MEGF10: variants seen among roughly 807,000 people sequenced by gnomAD.
The protein encoded by MEGF10 is multiple epidermal growth factor-like domains protein 10.
A neutral mutation model predicts 147.5 loss-of-function variants in MEGF10; 86 were observed. The observed-to-expected ratio is 0.58, with a 90% confidence interval of 0.49 to 0.70. The LOEUF is 0.70. Ranked by LOEUF, MEGF10 falls within the 30% of genes least tolerant of loss-of-function variation. The pLI is 0.00. For synonymous variants in MEGF10, 478 were observed against 525.5 expected (o/e 0.91, Z 1.24); for missense variants, 1,329 against 1,487.3 (o/e 0.89, Z 1.75).
Position 127,351,147 on chromosome 5 carries a change from T to C in MEGF10, c.319+10517T>C, listed in dbSNP as rs1362307945. Among the ~76,000 whole-genome samples, 5 of 152,080 alleles carry C rather than the reference T, an allele frequency of 3.3e-5. No individual in the cohort carries two copies. The East Asian group carries it at 9.6e-4, about 29-fold the overall frequency. On this transcript the variant is annotated intron_variant, in intron 4 of 24. Coordinates refer to ENST00000503335, the MANE Select transcript of MEGF10 (RefSeq NM_001256545.2). Reference sequence around the variant, plus strand: ...TTTAAAAAATAACTAAAAGAGTAAATTGGATTTTTTGTTGTATATATTTTT... The same window carrying C: ...TTTAAAAAATAACTAAAAGAGTAAACTGGATTTTTTGTTGTATATATTTTT...
At chr5:127,272,734 G>T in the MEGF10 span, among the ~76,000 whole-genome samples, 1 of 152,176 alleles carries the variant, frequency 6.6e-6, no homozygotes, top group Admixed American at 6.5e-5. Context: ...CAGCTTGCCT[G>T]TTGTTGGTGT....
chr5:127,402,768 T>C, intron 8 of MEGF10, 86 bp downstream of exon 8: 1 of 1,414,976 alleles, frequency 7.1e-7, no homozygotes, highest in Non-Finnish European at 9.7e-7. Flanking sequence ...TTCAATACCA[T>C]GTGTCCATGA....
At chr5:127,319,327 C>T (rs971083566) in intron 1 of MEGF10, among the ~76,000 whole-genome samples, 5 of 152,278 alleles carry the variant, frequency 3.3e-5, no homozygotes, top group Admixed American at 6.5e-5. Context: ...CCACCTACCT[C>T]GGCCTCCCAA....
At chr5:127,454,429 C>A in intron 22 of MEGF10, 137 bp from the exon 23 acceptor site, 1 of 620,960 alleles carries the variant, frequency 1.6e-6, no homozygotes, top group Non-Finnish European at 2.8e-6. Flanking sequence ...GACAACTGAT[C>A]TGGTGTAAAG....
At chr5:127,380,003 T>C (rs1263584414) in intron 5 of MEGF10, among the ~76,000 whole-genome samples, 2 of 152,046 alleles carry the variant, frequency 1.3e-5, no homozygotes, top group Non-Finnish European at 2.9e-5. Context: ...TATTACTCTG[T>C]ATCATATCTC....
the MEGF10 span, among the ~76,000 whole-genome samples, chr5:127,265,322 A>T: frequency 1.6e-4 from 24 of 152,180 alleles, no homozygotes; most frequent in African/African-American, 5.5e-4. Context: ...TCTATCATTG[A>T]TGGACATTTT....
chr5:127,323,654 C>T (rs1308626630), intron 1 of MEGF10, among the ~76,000 whole-genome samples: 6 of 152,208 alleles, frequency 3.9e-5, no homozygotes, highest in Non-Finnish European at 7.3e-5. Flanking sequence ...ATTGCTGCTT[C>T]ACATGAACTC....
rs1161044159 is a variant in MEGF10, at chr5:127,460,573, T to A, written c.*3255T>A. ...AGAAATGCAAACAACTTTATGAAAG[T>A]GTGGTCATCTTGACCCCCAAAGAGC... On this transcript the variant is annotated 3_prime_UTR_variant, in exon 25 of 25. Coordinates refer to ENST00000503335, the MANE Select transcript of MEGF10 (RefSeq NM_001256545.2). 1.3e-5 allele frequency: 2 copies of A among 152,184 alleles called. No homozygotes were observed. The highest frequency in any genetic ancestry group is 4.8e-5 in the African/African-American group (2 of 41,444). The allele number at this position is 152,184 out of a possible 1,614,324, so 9.4% of individuals were successfully genotyped here.
rs1766430340 is a variant in MEGF10, at chr5:127,458,063, A to C, written c.*745A>C. Reference sequence around the variant, plus strand: ...TTGACTCTCAACCAACTTCAGATCTATGACATTATTCTGATCACTGGCTCC... The same window carrying C: ...TTGACTCTCAACCAACTTCAGATCTCTGACATTATTCTGATCACTGGCTCC... On this transcript the variant is annotated 3_prime_UTR_variant, in exon 25 of 25. Coordinates refer to ENST00000503335, the MANE Select transcript of MEGF10 (RefSeq NM_001256545.2). 1 of 152,248 alleles carries C rather than the reference A, an allele frequency of 6.6e-6. No individual in the cohort carries two copies. The highest frequency in any genetic ancestry group is 1.9e-4 in the East Asian group (1 of 5,202). 9.4% of individuals were successfully genotyped at this position (152,248 alleles called of 1,614,324 possible).
At chr5:127,366,205 T>C (rs1762646414) in intron 4 of MEGF10, among the ~76,000 whole-genome samples, 1 of 152,182 alleles carries the variant, frequency 6.6e-6, no homozygotes, top group Admixed American at 6.5e-5. Flanking sequence ...TCAGTGTTTC[T>C]GCACCTTGGT....
chr5:127,325,909 A>ATATATATATTT, intron 1 of MEGF10, among the ~76,000 whole-genome samples: 1 of 105,050 alleles, frequency 9.5e-6, no homozygotes, highest in East Asian at 3.0e-4. Context: ...ATATATATAT[A>ATATATATATTT]TTTTTTTTTT....
the MEGF10 span, among the ~76,000 whole-genome samples, chr5:127,245,943 A>G: frequency 9.8e-5 from 15 of 152,356 alleles, no homozygotes; most frequent in African/African-American, 3.4e-4. Flanking sequence ...ATCATTAAAA[A>G]GTTAGGAAAC....
the MEGF10 span, among the ~76,000 whole-genome samples, chr5:127,246,584 C>A: frequency 6.6e-6 from 1 of 150,762 alleles, no homozygotes; most frequent in Non-Finnish European, 1.5e-5. Context: ...GCACGTGTAT[C>A]CCAGAACTTA....
the MEGF10 span, among the ~76,000 whole-genome samples, chr5:127,262,613 G>C: frequency 6.6e-6 from 1 of 152,144 alleles, no homozygotes; most frequent in Non-Finnish European, 1.5e-5. Context: ...AACCTATCAA[G>C]GATCAATTTA....
rs549796072 is a variant in MEGF10 at position 127,391,073 on chromosome 5, CAT to C, written c.413-5457_413-5456del. Among the ~76,000 whole-genome samples the C allele has an allele frequency of 3.6e-3, 520 of 145,374 alleles. 4 individuals are homozygous for C. Among genetic ancestry groups the C allele is most frequent in the Non-Finnish European group, 5.6e-3 (375 of 66,858 alleles). Reference sequence around the variant, plus strand: ...GTTATTGTCTTTATGTGTATATATACATACATACACACATGCGCGCGCGCGCG... The same window carrying C: ...GTTATTGTCTTTATGTGTATATATACACATACACACATGCGCGCGCGCGCG... On this transcript the variant is annotated intron_variant, in intron 5 of 24. Coordinates refer to ENST00000503335, the MANE Select transcript of MEGF10 (RefSeq NM_001256545.2).
rs184584872 is a variant in MEGF10 at position 127,388,982 on chromosome 5, T to A, written c.413-7550T>A. Among the ~76,000 whole-genome samples the A allele has an allele frequency of 6.6e-5, 10 of 152,342 alleles. 1 individual carries two copies. The highest frequency in any genetic ancestry group is 5.2e-4 in the Admixed American group (8 of 15,306). ...ATCATTAATCATTTGTTGCTCTGCC[T>A]TAGAAAGAGTGCTGGTTTCATATTA... On this transcript the variant is annotated intron_variant, in intron 5 of 24. Coordinates refer to ENST00000503335, the MANE Select transcript of MEGF10 (RefSeq NM_001256545.2).
In MEGF10 at chr5:127,290,895, CCA is replaced by C. The variant is rs1327400206; in HGVS notation, c.-178_-177del. 2 of 152,276 alleles carry C rather than the reference CCA, an allele frequency of 1.3e-5. No homozygotes were observed. The highest frequency in any genetic ancestry group is 2.9e-5 in the Non-Finnish European group (2 of 68,084). The allele number at this position is 152,276 out of a possible 1,614,324, so 9.4% of individuals were successfully genotyped here. On this transcript the variant is annotated 5_prime_UTR_variant, in exon 1 of 25. Coordinates refer to ENST00000503335, the MANE Select transcript of MEGF10 (RefSeq NM_001256545.2). Reference sequence around the variant, plus strand: ...TGAGACGTTCCTCTTTCCCGCTTCTCCACCTTTACGCCTGAAAGAAGACTCCC... The same window carrying C: ...TGAGACGTTCCTCTTTCCCGCTTCTCCCTTTACGCCTGAAAGAAGACTCCC...
the MEGF10 span, among the ~76,000 whole-genome samples, chr5:127,285,261 T>C: frequency 6.6e-6 from 1 of 152,068 alleles, no homozygotes; most frequent in Admixed American, 6.6e-5. Context: ...AGGAAAAGAG[T>C]TAGCTCCACC....
chr5:127,245,204 C>T, the MEGF10 span, among the ~76,000 whole-genome samples: 1 of 152,146 alleles, frequency 6.6e-6, no homozygotes, highest in African/African-American at 2.4e-5. Context: ...TGTCTTCAAA[C>T]TACACTACAA....
Sources: allele counts gnomAD v4.1 joint callset (sites outside exome capture counted in the v4.1 genomes callset), GRCh38; gene constraint gnomAD v4.1.1; transcripts MANE v1.5; gene names NCBI Gene and HGNC (gene_info 2026-07-23, HGNC 2026-07-21).